ABHD17C: variants seen among roughly 807,000 people sequenced by gnomAD.
ABHD17C encodes the protein alpha/beta hydrolase domain-containing protein 17C.
A neutral mutation model predicts 27.9 loss-of-function variants in ABHD17C; 11 were observed. That is an observed-to-expected ratio of 0.39 (90% CI 0.25 to 0.65). The LOEUF (loss-of-function observed/expected upper bound fraction) is 0.65. Ranked by LOEUF, ABHD17C falls within the 30% of genes least tolerant of loss-of-function variation. ABHD17C has a pLI of 0.45. For synonymous variants in ABHD17C, 233 were observed against 209.1 expected, an observed-to-expected ratio of 1.11 and a Z score of -0.98; for missense variants, 280 against 470.2, an observed-to-expected ratio of 0.60 and a Z score of 3.74.
intron 1 of ABHD17C, among the ~76,000 whole-genome samples, chr15:80,736,981 TGAG>T: frequency 6.6e-6 from 1 of 152,346 alleles, no homozygotes; most frequent in Admixed American, 6.5e-5. Context: ...CTCTTGCTGC[TGAG>T]ATGGCTGCCA....
chr15:80,730,430 A>G (rs1383252316), intron 1 of ABHD17C, among the ~76,000 whole-genome samples: 3 of 152,230 alleles, frequency 2.0e-5, no homozygotes, highest in Non-Finnish European at 4.4e-5. Flanking sequence ...GAATACATCT[A>G]GATGTTGTCA....
chr15:80,750,231 A>G (rs1895348077), intron 2 of ABHD17C, among the ~76,000 whole-genome samples: 1 of 152,204 alleles, frequency 6.6e-6, no homozygotes, highest in African/African-American at 2.4e-5. Flanking sequence ...GTTACTCGAC[A>G]AGCCAGGCTT....
intron 1 of ABHD17C, among the ~76,000 whole-genome samples, chr15:80,700,340 TGGGAC>T (rs1894554642): frequency 2.6e-5 from 4 of 151,496 alleles, no homozygotes; most frequent in African/African-American, 9.7e-5. Flanking sequence ...AACAGGAGAG[TGGGAC>T]TCTCCTGTTT....
At chr15:80,752,574 G>C (rs1895379299) in intron 2 of ABHD17C, among the ~76,000 whole-genome samples, 1 of 152,190 alleles carries the variant, frequency 6.6e-6, no homozygotes, top group Non-Finnish European at 1.5e-5. Context: ...AAGAGATTTT[G>C]TGGGTTAAGT....
At chr15:80,710,522 C>A (rs1241023474) in intron 1 of ABHD17C, among the ~76,000 whole-genome samples, 19 of 152,100 alleles carry the variant, frequency 1.2e-4, no homozygotes, top group Admixed American at 1.2e-3. Context: ...GATGCAAATG[C>A]AGTATTTTAG....
intron 2 of ABHD17C, 73 bp from the exon 3 acceptor site, chr15:80,754,077 TA>T: frequency 8.6e-7 from 1 of 1,167,928 alleles, no homozygotes; most frequent in South Asian, 1.3e-5. Context: ...AACTTATCAT[TA>T]AATGTGATGT....
At chr15:80,710,324 C>T (rs1894712129) in intron 1 of ABHD17C, among the ~76,000 whole-genome samples, 1 of 152,038 alleles carries the variant, frequency 6.6e-6, no homozygotes, top group Non-Finnish European at 1.5e-5. Flanking sequence ...GGGGTGAGGG[C>T]ATTAGTCACA....
chr15:80,698,594 G>C (rs1894530165), intron 1 of ABHD17C, among the ~76,000 whole-genome samples: 1 of 152,166 alleles, frequency 6.6e-6, no homozygotes, highest in Admixed American at 6.5e-5. Context: ...TGTGTGTCTT[G>C]GTTATTCTGC....
Position 80,754,248 on chromosome 15 carries a change from C to T in ABHD17C, c.868C>T (p.Arg290Cys), listed in dbSNP as rs966301155. The T allele has an allele frequency of 1.1e-5, 18 of 1,613,726 alleles. No homozygotes were observed. The highest frequency in any genetic ancestry group is 3.3e-5 in the Admixed American group (2 of 59,986). The change falls in exon 3 of 3, where the codon CGC becomes TGC. Residue 290 changes from arginine to cysteine, a missense_variant. By Grantham distance (180) the Arg-to-Cys change is radical. Around this residue, in one of 2 missense-constraint regions of ABHD17C, gnomAD observed 206 missense variants for 394.7 expected, o/e 0.52. Transcript: ENST00000258884. ...CTCCCATGGCCTAGCGATGTACGAGCGCTGTCCCCGAGCCGTGGAGCCCCT... is the reference window on the plus strand; with the variant it reads ...CTCCCATGGCCTAGCGATGTACGAGTGCTGTCCCCGAGCCGTGGAGCCCCT... ...DFSHGLAMYE[R>C]CPRAVEPLWV...
Position 80,695,531 on chromosome 15 carries a change from CT to C in ABHD17C, c.104del (p.Phe35SerfsTer166). The C allele has an allele frequency of 1.5e-6, 2 of 1,367,580 alleles. No homozygotes were observed. Among genetic ancestry groups the C allele is most frequent in the Non-Finnish European group, 9.5e-7 (1 of 1,047,440 alleles). The allele number at this position is 1,367,580 out of a possible 1,614,324, so 84.7% of individuals were successfully genotyped here. ...CPSRIAAKLAFLPPEPTYTVL... is the reference protein window; with the variant it reads ...CPSRIAAKLAXLPPEPTYTVL... ...CGAGCCGCATCGCCGCCAAGCTGGCCTTCCTGCCGCCCGAGCCCACCTACAC... is the reference window on the plus strand; with the variant it reads ...CGAGCCGCATCGCCGCCAAGCTGGCCTCCTGCCGCCCGAGCCCACCTACAC... On this transcript the variant is annotated frameshift_variant, in exon 1 of 3. Coordinates refer to ENST00000258884, the MANE Select transcript of ABHD17C (RefSeq NM_021214.2). LOFTEE classifies it high-confidence loss of function. The surrounding 1 kb of genome is among the most constrained non-coding windows in gnomAD (Gnocchi z 4.3).
chr15:80,726,055 A>C (rs138107156), intron 1 of ABHD17C, among the ~76,000 whole-genome samples: 22 of 152,374 alleles, frequency 1.4e-4, no homozygotes, highest in African/African-American at 4.8e-4. Context: ...TTCTATAGAT[A>C]TTAAGTTAAC....
At chr15:80,725,802 A>G (rs1894964746) in intron 1 of ABHD17C, among the ~76,000 whole-genome samples, 1 of 142,426 alleles carries the variant, frequency 7.0e-6, no homozygotes, top group Non-Finnish European at 1.6e-5. Flanking sequence ...GAACCGCTGC[A>G]CCAGCAGTTT....
At chr15:80,743,721 G>A (rs1315947895) in intron 1 of ABHD17C, among the ~76,000 whole-genome samples, 2 of 152,018 alleles carry the variant, frequency 1.3e-5, no homozygotes, top group African/African-American at 2.4e-5. Flanking sequence ...TAGCAGGGAC[G>A]CTACTAGGCG....
intron 1 of ABHD17C, among the ~76,000 whole-genome samples, chr15:80,716,266 C>T (rs550744670): frequency 6.6e-6 from 1 of 152,324 alleles, no homozygotes; most frequent in African/African-American, 2.4e-5. Flanking sequence ...TTGATTATAA[C>T]TAGCTGCTCA....
At chr15:80,749,979 C>A (rs1330689102) in intron 2 of ABHD17C, among the ~76,000 whole-genome samples, 1 of 152,180 alleles carries the variant, frequency 6.6e-6, no homozygotes. Context: ...TTTTTAACAG[C>A]ACCCATACAT....
intron 1 of ABHD17C, among the ~76,000 whole-genome samples, chr15:80,709,727 C>G (rs1175591549): frequency 6.6e-6 from 1 of 152,146 alleles, no homozygotes; most frequent in East Asian, 1.9e-4. Context: ...CTCCACCCTG[C>G]ACCACTCTGC....
intron 1 of ABHD17C, among the ~76,000 whole-genome samples, chr15:80,745,391 AT>A (rs35175632): frequency 0.34 from 48,992 of 146,020 alleles, 9,809 homozygotes; most frequent in Non-Finnish European, 0.48. Flanking sequence ...CCCTAACAGC[AT>A]TTTTTTTTTT....
In ABHD17C at chr15:80,747,942, C is replaced by T. The variant is rs543764918; in HGVS notation, c.591-1571C>T. Among the ~76,000 whole-genome samples, 429 of 152,298 alleles carry T rather than the reference C, an allele frequency of 2.8e-3. 2 individuals carry two copies. The highest frequency in any genetic ancestry group is 8.9e-3 in the African/African-American group (370 of 41,582). On this transcript the variant is annotated intron_variant, in intron 1 of 2. Transcript: ENST00000258884. ...AGTGGCCGTCATCTCCAGGACAGCCCGTAACCCTTTAGCTTCCAATTCACG... is the reference window on the plus strand; with the variant it reads ...AGTGGCCGTCATCTCCAGGACAGCCTGTAACCCTTTAGCTTCCAATTCACG...
At chr15:80,748,104 G>A (rs1399857217) in intron 1 of ABHD17C, among the ~76,000 whole-genome samples, 2 of 152,166 alleles carry the variant, frequency 1.3e-5, no homozygotes, top group African/African-American at 2.4e-5. Flanking sequence ...CAGGTGTGGT[G>A]CTCTCCATAA....
Sources: allele counts gnomAD v4.1 joint callset (sites outside exome capture counted in the v4.1 genomes callset), GRCh38; gene constraint gnomAD v4.1.1; regional missense constraint gnomAD v4.1.1; non-coding constraint Gnocchi (gnomAD v3.1); transcripts MANE v1.5; gene names NCBI Gene and HGNC (gene_info 2026-07-23, HGNC 2026-07-21).